ALMS1: variants seen among roughly 807,000 people sequenced by gnomAD.
ALMS1 encodes ALMS1 centrosome and basal body associated protein.
A neutral mutation model predicts 352.2 loss-of-function variants in ALMS1; 271 were observed. The observed-to-expected ratio is 0.77, with a 90% CI of 0.70 to 0.85. The LOEUF (loss-of-function observed/expected upper bound fraction) is 0.85, where lower values mean the gene tolerates loss of function less well. Among genes scored for constraint, ALMS1 ranks in the 40% least tolerant of loss-of-function variants. The pLI is 0.00. For missense variants in ALMS1, 5,445 were observed against 4,870.7 expected, an observed-to-expected ratio of 1.12 and a Z score of -3.51; for synonymous variants, 1,865 against 1,761.2, an observed-to-expected ratio of 1.06 and a Z score of -1.48.
chr2:73,414,473 G>GTTTTTTTT (rs61660489), intron 2 of ALMS1, among the ~76,000 whole-genome samples: 3 of 66,446 alleles, frequency 4.5e-5, no homozygotes, highest in Non-Finnish European at 6.4e-5. Flanking sequence ...CTTTTTTTCC[G>GTTTTTTTT]TTTTTTTTTT....
chr2:73,563,933 A>T (rs1382310522), intron 15 of ALMS1, among the ~76,000 whole-genome samples: 2 of 151,942 alleles, frequency 1.3e-5, no homozygotes, highest in Admixed American at 1.3e-4. Flanking sequence ...GCTTGAACAC[A>T]CATAATTAGC....
chr2:73,409,481 A>AT (rs1417363934), intron 2 of ALMS1, among the ~76,000 whole-genome samples: 2 of 152,174 alleles, frequency 1.3e-5, no homozygotes, highest in Non-Finnish European at 2.9e-5. Context: ...CTATATAGAT[A>AT]TTTAGCATAC....
At chr2:73,447,550 C>T (rs1419589636) in intron 7 of ALMS1, among the ~76,000 whole-genome samples, 1 of 152,044 alleles carries the variant, frequency 6.6e-6, no homozygotes, top group African/African-American at 2.4e-5. Context: ...CTTTGCTGTA[C>T]CAGGGATCAT....
chr2:73,526,082 A>G (rs541999965), intron 11 of ALMS1, among the ~76,000 whole-genome samples: 213 of 151,970 alleles, frequency 1.4e-3, no homozygotes, highest in Non-Finnish European at 2.2e-3. Context: ...AAATGAGTTC[A>G]CTGTAGGTGT....
intron 13 of ALMS1, among the ~76,000 whole-genome samples, chr2:73,550,728 A>G (rs1213791130): frequency 6.6e-6 from 1 of 152,254 alleles, no homozygotes; most frequent in African/African-American, 2.4e-5. Flanking sequence ...TTTAGATACT[A>G]AGATCCACAG....
At chr2:73,607,948 CA>C (rs1675850637) in intron 21 of ALMS1, among the ~76,000 whole-genome samples, 1 of 152,026 alleles carries the variant, frequency 6.6e-6, no homozygotes, top group South Asian at 2.1e-4. Context: ...AGGCTTCAGC[CA>C]CTGCACCCAG....
At chr2:73,485,069 T>G (rs1672798899) in intron 9 of ALMS1, among the ~76,000 whole-genome samples, 2 of 152,236 alleles carry the variant, frequency 1.3e-5, no homozygotes, top group Non-Finnish European at 2.9e-5. Flanking sequence ...CCTTCTTCTC[T>G]CAGCTCGTCA....
chr2:73,440,174 G>T (rs939744428), intron 7 of ALMS1, among the ~76,000 whole-genome samples: 2 of 151,946 alleles, frequency 1.3e-5, no homozygotes, highest in Non-Finnish European at 2.9e-5. Context: ...GTAAAGACGG[G>T]GTTTCACCAT....
At chr2:73,468,138 G>A (rs971973087) in intron 9 of ALMS1, among the ~76,000 whole-genome samples, 1 of 151,764 alleles carries the variant, frequency 6.6e-6, no homozygotes, top group Non-Finnish European at 1.5e-5. Flanking sequence ...TCATAGAAAA[G>A]GAACTTTAAG....
intron 17 of ALMS1, 121 bp downstream of exon 17, chr2:73,599,642 T>C: frequency 1.6e-6 from 2 of 1,217,450 alleles, no homozygotes; most frequent in Non-Finnish European, 2.4e-6. Flanking sequence ...AACTGCCAAT[T>C]TTCATCTTGT....
chr2:73,485,747 C>CGGA (rs974121493), intron 9 of ALMS1, among the ~76,000 whole-genome samples: 28 of 152,112 alleles, frequency 1.8e-4, no homozygotes, highest in African/African-American at 6.8e-4. Context: ...CTAGGACGCT[C>CGGA]GGAGCCAGGT....
chr2:73,588,082 A>G (rs1013148785), intron 16 of ALMS1, among the ~76,000 whole-genome samples: 3 of 152,238 alleles, frequency 2.0e-5, no homozygotes, highest in Admixed American at 6.5e-5. Context: ...GCTGAATTCT[A>G]TCAGACATTC....
At chr2:73,435,341 A>C (rs964774026) in intron 7 of ALMS1, among the ~76,000 whole-genome samples, 4 of 152,008 alleles carry the variant, frequency 2.6e-5, no homozygotes, top group Non-Finnish European at 5.9e-5. Context: ...TTATTGCATG[A>C]AGTGAATATT....
chr2:73,608,958 G>A (rs963223031), intron 22 of ALMS1, among the ~76,000 whole-genome samples: 6 of 152,220 alleles, frequency 3.9e-5, no homozygotes, highest in South Asian at 2.1e-4. Flanking sequence ...ACTGGAAAAT[G>A]TGTAACTGCG....
chr2:73,520,897 A>G (rs539060120), intron 11 of ALMS1, among the ~76,000 whole-genome samples: 1 of 152,344 alleles, frequency 6.6e-6, no homozygotes, highest in Admixed American at 6.5e-5. Flanking sequence ...TCTTCCCCAA[A>G]TGAAGATGGA....
At chr2:73,495,029 G>T (rs1169898438) in intron 10 of ALMS1, among the ~76,000 whole-genome samples, 3 of 151,704 alleles carry the variant, frequency 2.0e-5, no homozygotes, top group Non-Finnish European at 4.4e-5. Context: ...CATTTATTCC[G>T]CCCTAGGTTA....
intron 10 of ALMS1, among the ~76,000 whole-genome samples, chr2:73,514,653 C>G (rs1673520696): frequency 6.6e-6 from 1 of 152,082 alleles, no homozygotes; most frequent in East Asian, 1.9e-4. Context: ...TACACACATC[C>G]TTTAAGTGTT....
chr2:73,495,208 A>G (rs1673079051), intron 10 of ALMS1, among the ~76,000 whole-genome samples: 1 of 151,912 alleles, frequency 6.6e-6, no homozygotes, highest in Non-Finnish European at 1.5e-5. Flanking sequence ...TTCATTAAAA[A>G]TCCCTCTTTT....
rs34617744 is a variant in ALMS1 at position 73,557,350 on chromosome 2, T to A, written c.10209T>A (p.Thr3403=). The change falls in exon 14 of 23, where the codon ACT becomes ACA. Residue 3403 remains threonine (T), a synonymous_variant. Coordinates refer to ENST00000613296, the MANE Select transcript of ALMS1 (RefSeq NM_001378454.1). ...AKEKESLQKD[T]ADSSAAAAAE... is the part of the protein sequence containing the mutation. The stretch of plus-strand genomic sequence containing the variant: ...AAAAAGAATCTTTGCAGAAAGATAC[T>A]GCAGGTAGCTAAACTGGATTGTCTG... 21,691 of 1,614,092 alleles carry A rather than the reference T, an allele frequency of 0.013. 906 individuals carry two copies. In the Admixed American group the frequency reaches 0.15, roughly 11 times the overall value.
Sources: gnomAD v4.1 joint callset for allele counts (sites outside exome capture counted in the v4.1 genomes callset) on GRCh38, gnomAD v4.1.1 for gene constraint, MANE v1.5 for transcripts, NCBI Gene and HGNC (gene_info 2026-07-23, HGNC 2026-07-21) for gene names.